GRIN3A: variants seen among roughly 807,000 people sequenced by gnomAD.
GRIN3A encodes the protein glutamate receptor ionotropic, NMDA 3A.
Under a neutral mutation model 92.4 loss-of-function variants are expected in GRIN3A, and 47 were observed. The ratio of observed to expected loss-of-function variants is 0.51; its 90% CI spans 0.40 to 0.65. GRIN3A has a LOEUF of 0.65. GRIN3A is among the 30% of genes least tolerant of loss of function. GRIN3A has a pLI of 0.00. For missense variants in GRIN3A, 1,324 were observed against 1,393.1 expected (o/e 0.95, Z 0.79); for synonymous variants, 527 against 540.6 (o/e 0.97, Z 0.35).
At chr9:101,702,157 C>T (rs1829763978) in intron 1 of GRIN3A, among the ~76,000 whole-genome samples, 1 of 152,210 alleles carries the variant, frequency 6.6e-6, no homozygotes, top group Middle Eastern at 3.4e-3. Flanking sequence ...CAAAAATTAG[C>T]CAGGTGTGGT....
intron 5 of GRIN3A, among the ~76,000 whole-genome samples, chr9:101,620,527 A>T (rs1474782082): frequency 6.6e-6 from 1 of 152,172 alleles, no homozygotes; most frequent in Non-Finnish European, 1.5e-5. Context: ...TGAAGGAATC[A>T]TTGCACTCTG....
chr9:101,696,186 G>A (rs1400515734), intron 1 of GRIN3A, among the ~76,000 whole-genome samples: 1 of 152,212 alleles, frequency 6.6e-6, no homozygotes, highest in East Asian at 1.9e-4. Context: ...ACTTTGAAAG[G>A]GGAATAATAC....
chr9:101,577,753 T>A lies in GRIN3A; in HGVS notation c.3008+15A>T, dbSNP rs77656147. On this transcript the variant is annotated intron_variant, in intron 8 of 8. Coordinates refer to ENST00000361820, the MANE Select transcript of GRIN3A (RefSeq NM_133445.3). ...TTTACAAATATAAAGACAGTTGCCA[T>A]TGGCCCCTTCTTACCTCTTTTCCAC... The A allele has an allele frequency of 2.5e-6, 4 of 1,580,380 alleles. No individual in the cohort carries two copies. The highest frequency in any genetic ancestry group is 3.5e-6 in the Non-Finnish European group (4 of 1,149,922).
chr9:101,600,667 A>C (rs1463734431), intron 6 of GRIN3A, among the ~76,000 whole-genome samples: 1 of 152,202 alleles, frequency 6.6e-6, no homozygotes, highest in Non-Finnish European at 1.5e-5. Context: ...GCCCTAGGGC[A>C]GGAGGAACAA....
chr9:101,570,086 G>A lies in GRIN3A; in HGVS notation c.*3088C>T, dbSNP rs1349786423. The stretch of plus-strand genomic sequence containing the variant: ...GTGGCTGCTTCACTTGGCTGTCCTG[G>A]TTATTCTTCCAATTTGTTTTTAAAT... On this transcript the variant is annotated 3_prime_UTR_variant, in exon 9 of 9. Transcript: ENST00000361820. 6.6e-6 allele frequency: 1 copy of A among 152,114 alleles called. No homozygotes were observed. The highest frequency in any genetic ancestry group is 1.5e-5 in the Non-Finnish European group (1 of 68,060). The allele number at this position is 152,114 out of a possible 1,614,324, so 9.4% of individuals were successfully genotyped here. A position where few individuals can be genotyped will look rare whatever the true frequency, so the allele number is the denominator to read the frequency against.
In GRIN3A at chr9:101,737,913, G is replaced by C; in HGVS notation, c.67C>G (p.Leu23Val). ...GAGCTGGGCACCCCGGCCAGCACCAGTGCGCAGGGCGGCGGCAACAGCAGA... is the reference window on the plus strand; with the variant it reads ...GAGCTGGGCACCCCGGCCAGCACCACTGCGCAGGGCGGCGGCAACAGCAGA... ...VCLLLPPPCA[L>V]VLAGVPSSSS... Residue 23 changes from leucine to valine, a missense_variant, in exon 1 of 9, where the codon CTG (leucine) becomes GTG (valine). Coordinates refer to ENST00000361820, the MANE Select transcript of GRIN3A (RefSeq NM_133445.3). 1 of 1,536,256 alleles carries C rather than the reference G, an allele frequency of 6.5e-7. No individual in the cohort carries two copies. Among genetic ancestry groups the C allele is most frequent in the Non-Finnish European group, 8.7e-7 (1 of 1,147,554 alleles).
intron 1 of GRIN3A, among the ~76,000 whole-genome samples, chr9:101,697,944 C>A (rs2118995561): frequency 6.6e-6 from 1 of 152,230 alleles, no homozygotes; most frequent in African/African-American, 2.4e-5. Flanking sequence ...AGGAAAGATT[C>A]TGGCTTAGCT....
At chr9:101,622,127 T>A (rs1828565819) in intron 5 of GRIN3A, among the ~76,000 whole-genome samples, 1 of 152,136 alleles carries the variant, frequency 6.6e-6, no homozygotes, top group South Asian at 2.1e-4. Flanking sequence ...TAGGAGAAGA[T>A]GTGGAGAAAT....
chr9:101,583,377 A>T (rs931333258), intron 6 of GRIN3A, among the ~76,000 whole-genome samples: 1 of 152,202 alleles, frequency 6.6e-6, no homozygotes, highest in Non-Finnish European at 1.5e-5. Context: ...ATTGTGTCTG[A>T]GTCTGAGTGA....
At chr9:101,662,711 T>G (rs1303347777) in intron 3 of GRIN3A, among the ~76,000 whole-genome samples, 1 of 151,806 alleles carries the variant, frequency 6.6e-6, no homozygotes, top group African/African-American at 2.4e-5. Context: ...AATCAAGGAA[T>G]TTTGACATCT....
At chr9:101,590,008 T>TA (rs1483029530) in intron 6 of GRIN3A, among the ~76,000 whole-genome samples, 3 of 152,224 alleles carry the variant, frequency 2.0e-5, no homozygotes, top group Non-Finnish European at 4.4e-5. Context: ...GGTTTTTATT[T>TA]AAAATCTTTA....
chr9:101,579,436 T>G, intron 6 of GRIN3A, 76 bp from the exon 7 acceptor site: 1 of 1,436,172 alleles, frequency 7.0e-7, no homozygotes, highest in Non-Finnish European at 9.7e-7. Flanking sequence ...TCTTTGGTTT[T>G]CAGATGGATA....
At chr9:101,636,412 G>A (rs557266303) in intron 3 of GRIN3A, among the ~76,000 whole-genome samples, 9 of 152,192 alleles carry the variant, frequency 5.9e-5, no homozygotes, top group African/African-American at 1.4e-4. Context: ...GAATGCTCAC[G>A]GCATCCTTTG....
At chr9:101,624,639 G>T (rs1457598269) in intron 4 of GRIN3A, among the ~76,000 whole-genome samples, 2 of 152,168 alleles carry the variant, frequency 1.3e-5, no homozygotes, top group African/African-American at 4.8e-5. Context: ...GGACATTTGG[G>T]TTGGTTCCAA....
intron 3 of GRIN3A, among the ~76,000 whole-genome samples, chr9:101,664,982 C>G (rs7849782): frequency 0.55 from 82,602 of 151,498 alleles, 22,548 homozygotes; most frequent in African/African-American, 0.58. Context: ...AAGTCAATAG[C>G]TTTTTCATCC....
intron 6 of GRIN3A, among the ~76,000 whole-genome samples, chr9:101,608,614 A>C (rs900821018): frequency 5.9e-5 from 9 of 152,180 alleles, no homozygotes; most frequent in Non-Finnish European, 1.3e-4. Flanking sequence ...TGTGGTTATC[A>C]TATGTAGGAA....
At chr9:101,573,773 ATTTTTTT>A (rs5899448) in intron 8 of GRIN3A, among the ~76,000 whole-genome samples, 35 of 92,614 alleles carry the variant, frequency 3.8e-4, no homozygotes, top group South Asian at 1.2e-3. Flanking sequence ...GGTATGGTGC[ATTTTTTT>A]TTTTTTTTTT....
At chr9:101,576,635 A>C (rs1827831108) in intron 8 of GRIN3A, among the ~76,000 whole-genome samples, 1 of 152,176 alleles carries the variant, frequency 6.6e-6, no homozygotes, top group Non-Finnish European at 1.5e-5. Flanking sequence ...TGTTATTAAA[A>C]ATTTATGTTA....
chr9:101,653,835 T>C (rs1360815759), intron 3 of GRIN3A, among the ~76,000 whole-genome samples: 3 of 151,866 alleles, frequency 2.0e-5, no homozygotes, highest in Admixed American at 1.3e-4. Context: ...AAAACTCTAT[T>C]GTATGTGTAC....
Sources: gnomAD v4.1 joint callset for allele counts (sites outside exome capture counted in the v4.1 genomes callset) on GRCh38, gnomAD v4.1.1 for gene constraint, MANE v1.5 for transcripts, NCBI Gene and HGNC (gene_info 2026-07-23, HGNC 2026-07-21) for gene names.